The following PEAK1 variants were observed in gnomAD, a reference collection of about 807,000 sequenced individuals.
PEAK1 encodes pseudopodium enriched atypical kinase 1.
PEAK1 carries 54 observed loss-of-function variants against 124.7 expected under a neutral mutation model. The ratio of observed to expected loss-of-function variants is 0.43; its 90% CI spans 0.35 to 0.54. The LOEUF (loss-of-function observed/expected upper bound fraction) is 0.54. Ranked by LOEUF, PEAK1 falls within the 20% of genes least tolerant of loss-of-function variation. PEAK1 has a pLI of 0.01. For missense variants in PEAK1, 2,046 were observed against 2,134.5 expected, an observed-to-expected ratio of 0.96 and a Z score of 0.82; for synonymous variants, 719 against 760.0, an observed-to-expected ratio of 0.95 and a Z score of 0.89.
At chr15:77,410,077 T>TG (rs1004294943) in intron 1 of PEAK1, among the ~76,000 whole-genome samples, 2 of 143,006 alleles carry the variant, frequency 1.4e-5, no homozygotes, top group Non-Finnish European at 3.0e-5. Flanking sequence ...GTGTGTGTGT[T>TG]TTTTTTTTTT....
At chr15:77,394,410 T>C (rs961721351) in intron 1 of PEAK1, among the ~76,000 whole-genome samples, 1 of 152,298 alleles carries the variant, frequency 6.6e-6, no homozygotes, top group East Asian at 1.9e-4. Flanking sequence ...CCTCCTCCAC[T>C]TCCAGGCAGC....
intron 2 of PEAK1, among the ~76,000 whole-genome samples, chr15:77,295,826 A>G (rs1282599308): frequency 1.3e-5 from 2 of 152,212 alleles, no homozygotes; most frequent in African/African-American, 2.4e-5. Flanking sequence ...TTGTTTATAA[A>G]CGAGGGGAGA....
intron 2 of PEAK1, 107 bp from the exon 3 acceptor site, chr15:77,286,611 C>T (rs567748500): frequency 4.0e-6 from 2 of 497,150 alleles, no homozygotes; most frequent in South Asian, 2.1e-4. Context: ...CAAACTCTTA[C>T]TTATTCTATT....
Position 77,348,969 on chromosome 15 carries a change from C to G in PEAK1, c.-603+16194G>C, listed in dbSNP as rs757796193. On this transcript the variant is annotated intron_variant, in intron 2 of 9. Transcript: ENST00000682557. ...TGTCTCTTAAAATAGAGATTTAAAG[C>G]CTTTCTTACTTATAATTTAACTAAT... The G allele has an allele frequency of 7.9e-4, 749 of 942,526 alleles. 1 individual carries two copies. Among genetic ancestry groups the G allele is most frequent in the Non-Finnish European group, 9.0e-4 (712 of 791,276 alleles). 58.4% of individuals were successfully genotyped at this position (942,526 alleles called of 1,614,324 possible).
intron 1 of PEAK1, among the ~76,000 whole-genome samples, chr15:77,395,358 C>CAG (rs371524793): frequency 1.3e-5 from 2 of 151,356 alleles, no homozygotes; most frequent in Non-Finnish European, 3.0e-5. Context: ...AAAGAGGAGG[C>CAG]AGAGAGAGAG....
chr15:77,236,180 C>T (rs2060113244), intron 6 of PEAK1, among the ~76,000 whole-genome samples: 1 of 152,196 alleles, frequency 6.6e-6, no homozygotes, highest in Non-Finnish European at 1.5e-5. Flanking sequence ...TCCTCCAGAC[C>T]CCAGAATGGT....
At chr15:77,142,348 T>C (rs938808488) in intron 8 of PEAK1, among the ~76,000 whole-genome samples, 20 of 152,216 alleles carry the variant, frequency 1.3e-4, no homozygotes, top group African/African-American at 4.6e-4. Flanking sequence ...CAAATGCTTA[T>C]ACATTGCTAG....
intron 9 of PEAK1, among the ~76,000 whole-genome samples, chr15:77,124,560 C>T (rs979742540): frequency 1.3e-5 from 2 of 152,194 alleles, no homozygotes; most frequent in Admixed American, 6.5e-5. Context: ...TACTGCCTTC[C>T]TCAGCTCTTT....
chr15:77,222,709 CT>C (rs2059443380), intron 6 of PEAK1, among the ~76,000 whole-genome samples: 3 of 151,956 alleles, frequency 2.0e-5, no homozygotes, highest in Non-Finnish European at 4.4e-5. Context: ...TCTGGACAAA[CT>C]CCAGACAAAG....
rs749000554 is a variant in PEAK1, at chr15:77,298,197, A to ATTTTTTTTTTTTT, written c.-602-11706_-602-11694dup. On this transcript the variant is annotated intron_variant, in intron 2 of 9. Coordinates refer to ENST00000682557, the MANE Select transcript of PEAK1 (RefSeq NM_001385026.1). The stretch of plus-strand genomic sequence containing the variant: ...TAGCTTCTTTTGTTTGGTATCCTTA[A>ATTTTTTTTTTTTT]TTTTTTTTTTTTTTTTTTTTTTTTT... Among the ~76,000 whole-genome samples the ATTTTTTTTTTTTT allele has an allele frequency of 1.7e-3, 64 of 37,820 alleles. 13 individuals carry two copies. Among genetic ancestry groups the ATTTTTTTTTTTTT allele is most frequent in the African/African-American group, 3.5e-3 (26 of 7,412 alleles). The allele number at this position is 37,820 out of a possible 152,430, so 24.8% of individuals were successfully genotyped here. A position where few individuals can be genotyped will look rare whatever the true frequency, so the allele number is the denominator to read the frequency against.
chr15:77,335,953 T>C (rs2066173083), intron 2 of PEAK1: 1 of 985,274 alleles, frequency 1.0e-6, no homozygotes, highest in Admixed American at 6.2e-5. Flanking sequence ...TGGGAAATCT[T>C]TTACCAGGTT....
intron 1 of PEAK1, chr15:77,402,150 G>C: frequency 1.1e-6 from 1 of 912,580 alleles, no homozygotes; most frequent in Non-Finnish European, 1.3e-6. Flanking sequence ...AGTGAGCCAA[G>C]AGGGACACTC....
chr15:77,126,819 C>A (rs142234464), intron 9 of PEAK1, among the ~76,000 whole-genome samples: 1 of 152,128 alleles, frequency 6.6e-6, no homozygotes, highest in African/African-American at 2.4e-5. Flanking sequence ...AAGACCAATA[C>A]AAATAATAAA....
intron 9 of PEAK1, among the ~76,000 whole-genome samples, chr15:77,121,533 G>C (rs2051916983): frequency 6.6e-6 from 1 of 152,126 alleles, no homozygotes; most frequent in Non-Finnish European, 1.5e-5. Flanking sequence ...GATCAGTGAG[G>C]GCTGTCTGTT....
intron 1 of PEAK1, among the ~76,000 whole-genome samples, chr15:77,409,058 G>A (rs2072177294): frequency 6.6e-6 from 1 of 152,122 alleles, no homozygotes; most frequent in Admixed American, 6.5e-5. Flanking sequence ...GTAACGGAGT[G>A]AGACCCCATC....
intron 2 of PEAK1, among the ~76,000 whole-genome samples, chr15:77,298,051 C>G (rs1351353547): frequency 2.2e-5 from 2 of 89,050 alleles, no homozygotes; most frequent in African/African-American, 4.6e-5. Flanking sequence ...GGCGACAGGG[C>G]GAGACTCCGT....
chr15:77,311,818 C>A (rs1045258218), intron 2 of PEAK1, among the ~76,000 whole-genome samples: 1 of 151,776 alleles, frequency 6.6e-6, no homozygotes, highest in Admixed American at 6.6e-5. Flanking sequence ...AGCTGGATAG[C>A]CACGCAGGTT....
chr15:77,143,842 G>A (rs2053974925), intron 8 of PEAK1, among the ~76,000 whole-genome samples: 1 of 152,186 alleles, frequency 6.6e-6, no homozygotes, highest in Non-Finnish European at 1.5e-5. Flanking sequence ...AATGGACTGT[G>A]TCTCATTTGT....
At chr15:77,160,985 T>C (rs931313123) in intron 7 of PEAK1, among the ~76,000 whole-genome samples, 1 of 152,198 alleles carries the variant, frequency 6.6e-6, no homozygotes, top group African/African-American at 2.4e-5. Flanking sequence ...CAGAAAAAAC[T>C]GCAGCTATTA....
Sources: allele counts gnomAD v4.1 joint callset (sites outside exome capture counted in the v4.1 genomes callset), GRCh38; gene constraint gnomAD v4.1.1; transcripts MANE v1.5; gene names NCBI Gene and HGNC (gene_info 2026-07-23, HGNC 2026-07-21).